Variants in LAMP3 observed in about 807,000 individuals in gnomAD.
LAMP3 encodes the protein lysosome associated membrane protein 3, also known as lysosome-associated membrane glycoprotein 3.
In LAMP3, 26 loss-of-function variants were observed where a neutral mutation model predicts 34.8. The observed-to-expected ratio is 0.75, with a 90% CI of 0.55 to 1.04. The LOEUF is 1.04. Ranked by LOEUF, LAMP3 falls within the 50% of genes least tolerant of loss-of-function variation. The probability of loss-of-function intolerance (pLI) is 0.00; values close to 1 mark genes in which losing one functional copy is unlikely to be tolerated. For missense variants in LAMP3, 495 were observed against 524.0 expected, an observed-to-expected ratio of 0.94 and a Z score of 0.54; for synonymous variants, 180 against 201.9, an observed-to-expected ratio of 0.89 and a Z score of 0.92.
intron 3 of LAMP3, among the ~76,000 whole-genome samples, chr3:183,146,831 A>G (rs1021087358): frequency 3.3e-5 from 5 of 151,736 alleles, no homozygotes; most frequent in Admixed American, 3.3e-4. Context: ...CCCGGCCCTC[A>G]AATTTTTAAA....
chr3:183,163,290 C>CTTTTG (rs142758488), upstream of LAMP3, among the ~76,000 whole-genome samples: 76 of 146,486 alleles, frequency 5.2e-4, no homozygotes, highest in African/African-American at 1.1e-3. Context: ...CTTTTTATTT[C>CTTTTG]TTTTGTTTTG....
chr3:183,127,641 T>G (rs1719813319), intron 5 of LAMP3, among the ~76,000 whole-genome samples: 1 of 152,226 alleles, frequency 6.6e-6, no homozygotes, highest in Non-Finnish European at 1.5e-5. Flanking sequence ...TTTTAAAAAC[T>G]TTTAATTTTT....
At chr3:183,149,965 C>G (rs1197123283) in intron 3 of LAMP3, among the ~76,000 whole-genome samples, 1 of 152,148 alleles carries the variant, frequency 6.6e-6, no homozygotes, top group East Asian at 1.9e-4. Context: ...CTTCTGTGAG[C>G]CTCTCTGCCT....
chr3:183,133,019 GC>G, intron 5 of LAMP3: 1 of 763,246 alleles, frequency 1.3e-6, no homozygotes, highest in Non-Finnish European at 1.6e-6. Context: ...AAGTGGCACT[GC>G]CACATCTGCC....
intron 5 of LAMP3, among the ~76,000 whole-genome samples, chr3:183,127,628 A>G (rs1427102784): frequency 6.6e-6 from 1 of 152,146 alleles, no homozygotes; most frequent in African/African-American, 2.4e-5. Flanking sequence ...TAAATGAAAA[A>G]TGTTTTAAAA....
intron 5 of LAMP3, chr3:183,132,403 T>C (rs1228286640): frequency 1.0e-6 from 1 of 973,310 alleles, no homozygotes; most frequent in African/African-American, 1.8e-5. Flanking sequence ...TTTTTTAAAG[T>C]AATGTTTTTA....
In LAMP3 at chr3:183,135,817, G is replaced by A. The variant is rs189726815; in HGVS notation, c.1017C>T (p.Cys339=). 5.2e-5 allele frequency: 84 copies of A among 1,613,800 alleles called. No homozygotes were observed. In the Admixed American group the frequency reaches 8.5e-4, roughly 16 times the overall value. The change falls in exon 5 of 6, where the codon TGC becomes TGT. Residue 339 remains cysteine, a synonymous_variant. Transcript: ENST00000265598. ...ACAACTGGAGGCTCTGTTCACTCAC[G>A]CACTTGAAGGAATGCCCGACTGCTG... ...FQTAVGHSFK[C]VSEQSLQLSA...
At position 183,154,429 on chromosome 3, in the gene LAMP3, C is replaced by T. The variant is rs147259818; in HGVS notation, c.50-38G>A. ...AAATAAAAGTGTTAAAAACACTAAC[C>T]GATTGCTTACAAGGTTCCCTCTCCC... is the stretch of plus-strand genomic sequence containing the variant. On this transcript the variant is annotated intron_variant, in intron 1 of 5. Transcript: ENST00000265598. 204 of 1,456,790 alleles carry T rather than the reference C, an allele frequency of 1.4e-4. 1 individual carries two copies. Among genetic ancestry groups the T allele is most frequent in the African/African-American group, 5.5e-4 (39 of 70,830 alleles). The allele number at this position is 1,456,790 out of a possible 1,614,324, so 90.2% of individuals were successfully genotyped here. A position where few individuals can be genotyped will look rare whatever the true frequency, so the allele number is the denominator to read the frequency against.
intron 1 of LAMP3, chr3:183,161,872 C>T (rs1469990439): frequency 3.1e-6 from 2 of 652,412 alleles, no homozygotes; most frequent in Non-Finnish European, 3.8e-6. Context: ...GAAAGTGTGG[C>T]GCAGGGGAGA....
At chr3:183,138,725 C>T (rs965968273) in intron 4 of LAMP3, among the ~76,000 whole-genome samples, 4 of 152,190 alleles carry the variant, frequency 2.6e-5, no homozygotes, top group Admixed American at 2.0e-4. Flanking sequence ...CTAGACCCCT[C>T]GGTGGCATCC....
chr3:183,123,747 T>G lies in LAMP3; in HGVS notation c.*334A>C, dbSNP rs761515795. 11 of 268,088 alleles carry G rather than the reference T, an allele frequency of 4.1e-5. No homozygotes were observed. Among genetic ancestry groups the G allele is most frequent in the Non-Finnish European group, 6.5e-5 (9 of 139,048 alleles). 16.6% of individuals were successfully genotyped at this position (268,088 alleles called of 1,614,324 possible). A position where few individuals can be genotyped will look rare whatever the true frequency, so the allele number is the denominator to read the frequency against. On this transcript the variant is annotated 3_prime_UTR_variant, in exon 6 of 6. Transcript: ENST00000265598. ...GCACACACAGTAGTATTAGTTACAA[T>G]TGACCCTTGGTTTATAATTTGAAGG... is the stretch of plus-strand genomic sequence containing the variant.
intron 3 of LAMP3, among the ~76,000 whole-genome samples, chr3:183,147,758 A>G (rs1339032882): frequency 6.6e-6 from 1 of 152,176 alleles, no homozygotes; most frequent in Non-Finnish European, 1.5e-5. Flanking sequence ...TCTATCACCC[A>G]GGCTGGAGTG....
intron 4 of LAMP3, among the ~76,000 whole-genome samples, chr3:183,139,660 G>GCT (rs1236011878): frequency 6.6e-6 from 1 of 152,236 alleles, no homozygotes; most frequent in South Asian, 2.1e-4. Flanking sequence ...GTGCATGTGA[G>GCT]CTCTCTCTCT....
chr3:183,153,574 A>G lies in LAMP3; in HGVS notation c.759+108T>C, dbSNP rs955589595. The G allele has an allele frequency of 2.3e-4, 160 of 693,172 alleles. No homozygotes were observed. The African/African-American group carries it at 2.6e-3, about 11-fold the overall frequency. 42.9% of individuals were successfully genotyped at this position (693,172 alleles called of 1,614,324 possible). A position where few individuals can be genotyped will look rare whatever the true frequency, so the allele number is the denominator to read the frequency against. ...CTTGGAGAGAGATGAGCTCACAGCT[A>G]TTGGTTTCATTTAAAGACACAGGAT... is the stretch of plus-strand genomic sequence containing the variant. On this transcript the variant is annotated intron_variant, in intron 2 of 5. Transcript: ENST00000265598.
At chr3:183,124,702 C>T (rs1719743171) in intron 5 of LAMP3, among the ~76,000 whole-genome samples, 2 of 152,114 alleles carry the variant, frequency 1.3e-5, no homozygotes, top group African/African-American at 2.4e-5. Flanking sequence ...CGTGGTGGCA[C>T]ATGCCTGTAA....
intron 5 of LAMP3, among the ~76,000 whole-genome samples, chr3:183,133,980 C>T (rs1313882605): frequency 6.6e-6 from 1 of 152,230 alleles, no homozygotes; most frequent in African/African-American, 2.4e-5. Context: ...ACAACTTCCT[C>T]TGGGCTCCCA....
intron 5 of LAMP3, among the ~76,000 whole-genome samples, chr3:183,126,946 A>T (rs1344695154): frequency 2.6e-5 from 4 of 152,240 alleles, no homozygotes; most frequent in African/African-American, 7.2e-5. Flanking sequence ...TGGTTCATAA[A>T]GGGTCCCTTT....
intron 1 of LAMP3, among the ~76,000 whole-genome samples, chr3:183,154,813 A>G (rs1274576179): frequency 6.6e-6 from 1 of 152,262 alleles, no homozygotes; most frequent in African/African-American, 2.4e-5. Flanking sequence ...CTGGGGCAGC[A>G]TGAATGATGG....
rs192662142 is a variant in LAMP3 at position 183,145,746 on chromosome 3, A to C, written c.889-5151T>G. The stretch of plus-strand genomic sequence containing the variant: ...GTGGTGCACACCTGTAATCCCAGCT[A>C]CTCGAGAGGCTGAGGCAGGAGAATC... On this transcript the variant is annotated intron_variant, in intron 3 of 5. Coordinates refer to ENST00000265598, the MANE Select transcript of LAMP3 (RefSeq NM_014398.4). Among the ~76,000 whole-genome samples, 28 of 152,232 alleles carry C rather than the reference A, an allele frequency of 1.8e-4. No homozygotes were observed. In the East Asian group the frequency reaches 3.5e-3, roughly 19 times the overall value.
Sources: allele counts gnomAD v4.1 joint callset (sites outside exome capture counted in the v4.1 genomes callset), GRCh38; gene constraint gnomAD v4.1.1; transcripts MANE v1.5; gene names NCBI Gene and HGNC (gene_info 2026-07-23, HGNC 2026-07-21).